BBS2: variants seen among roughly 807,000 people sequenced by gnomAD.
BBS2 encodes Bardet-Biedl syndrome 2, also known as BBSome complex member BBS2.
A neutral mutation model predicts 83.0 loss-of-function variants in BBS2; 62 were observed. That is an observed-to-expected ratio of 0.75 (90% CI 0.61 to 0.92). BBS2 has a LOEUF of 0.92. Ranked by LOEUF, BBS2 falls within the 40% of genes least tolerant of loss-of-function variation. The pLI is 0.00. For synonymous variants in BBS2, 303 were observed against 326.1 expected (o/e 0.93, Z 0.76); for missense variants, 784 against 901.0 (o/e 0.87, Z 1.66).
chr16:56,501,478 A>G lies in BBS2; in HGVS notation c.1100T>C (p.Leu367Pro), dbSNP rs1964272544. 6.2e-7 allele frequency: 1 copy of G among 1,614,072 alleles called. No individual in the cohort carries two copies. Among genetic ancestry groups the G allele is most frequent in the African/African-American group, 1.3e-5 (1 of 74,928 alleles). ...GCCCCGATGCCCATCAGCCTCGTTC[A>G]GTGGACTGGCCAATTCAGCCTGCAA... The part of the protein sequence containing the change: ...ENAKAELASP[L>P]NEADGHRGII... Residue 367 changes from leucine to proline, a missense_variant, in exon 10 of 17, where the codon CTG becomes CCG. Coordinates refer to ENST00000245157, the MANE Select transcript of BBS2 (RefSeq NM_031885.5).
rs1277638084 is a variant in BBS2 at position 56,519,786 on chromosome 16, C to T, written c.77G>A (p.Gly26Glu). 6.2e-7 allele frequency: 1 copy of T among 1,613,606 alleles called. No individual in the cohort carries two copies. Among genetic ancestry groups the T allele is most frequent in the African/African-American group, 1.3e-5 (1 of 74,906 alleles). ...GGCGGCCGCCAGGCACGGGTGAGTC[C>T]CGTCGTAGCGCCCTATGGCCACCAT... Reference protein sequence around the residue: ...PRMVAIGRYDGTHPCLAAATQ... With the variant: ...PRMVAIGRYDETHPCLAAATQ... The change falls in exon 1 of 17, where the codon GGG (glycine) becomes GAG (glutamate). Residue 26 changes from glycine (G) to glutamate (E), a missense_variant. Coordinates refer to ENST00000245157, the MANE Select transcript of BBS2 (RefSeq NM_031885.5).
intron 17 of BBS2, chr16:56,478,805 T>G (rs1313313714): frequency 6.6e-6 from 1 of 152,214 alleles, no homozygotes. Flanking sequence ...GACTCGGGTG[T>G]CTGAGGGGAG....
Position 56,513,603 on chromosome 16 carries a change from A to G in BBS2, c.345+850T>C, listed in dbSNP as rs544978016. Among the ~76,000 whole-genome samples, 14 of 152,366 alleles carry G rather than the reference A, an allele frequency of 9.2e-5. No homozygotes were observed. In the South Asian group the frequency reaches 2.7e-3, roughly 29 times the overall value. ...AGAAGGCAGTCACAAATGATTACAT[A>G]TTATATAATTCCATTGTTTATGAAA... On this transcript the variant is annotated intron_variant, in intron 2 of 16. Coordinates refer to ENST00000245157, the MANE Select transcript of BBS2 (RefSeq NM_031885.5).
In BBS2 at chr16:56,514,476, T is replaced by C; in HGVS notation, c.322A>G (p.Asn108Asp). The C allele has an allele frequency of 1.2e-6, 2 of 1,614,124 alleles. No homozygotes were observed. Among genetic ancestry groups the C allele is most frequent in the Non-Finnish European group, 1.7e-6 (2 of 1,179,982 alleles). ...TNLLAYDVYNNSDLFYREVAD... is the reference protein window; with the variant it reads ...TNLLAYDVYNDSDLFYREVAD... ...GCCTCTCTGTAGAACAAATCCGAATTATTGTAGACATCATAAGCCAAAAGA... is the reference window on the plus strand; with the variant it reads ...GCCTCTCTGTAGAACAAATCCGAATCATTGTAGACATCATAAGCCAAAAGA... The change falls in exon 2 of 17, where the codon AAT becomes GAT. Residue 108 changes from asparagine to aspartate, a missense_variant. Physicochemically the swap from Asn to Asp is conservative, Grantham distance 23. Coordinates refer to ENST00000245157, the MANE Select transcript of BBS2 (RefSeq NM_031885.5).
chr16:56,518,748 CCTT>C (rs1160373418), intron 1 of BBS2, among the ~76,000 whole-genome samples: 2 of 152,244 alleles, frequency 1.3e-5, no homozygotes, highest in South Asian at 2.1e-4. Flanking sequence ...CTCTGATTTG[CCTT>C]GTCTGTTAGC....
At chr16:56,509,172 A>T (rs987360181) in intron 5 of BBS2, among the ~76,000 whole-genome samples, 9 of 152,210 alleles carry the variant, frequency 5.9e-5, no homozygotes, top group African/African-American at 2.2e-4. Flanking sequence ...TCAAATGCTG[A>T]CCATGCCATT....
chr16:56,501,075 C>A (rs368194082), intron 10 of BBS2, 50 bp from the exon 11 acceptor site: 57 of 1,593,142 alleles, frequency 3.6e-5, no homozygotes, highest in Admixed American at 6.7e-5. Flanking sequence ...CTTTGGGAAG[C>A]TGAGGTGGGC....
At chr16:56,499,485 G>C in intron 12 of BBS2, 1 of 368,884 alleles carries the variant, frequency 2.7e-6, no homozygotes, top group Non-Finnish European at 5.2e-6. Flanking sequence ...GGTTCCTCTT[G>C]AAATACTACA....
At chr16:56,517,426 C>T (rs1964782385) in intron 1 of BBS2, among the ~76,000 whole-genome samples, 1 of 152,228 alleles carries the variant, frequency 6.6e-6, no homozygotes, top group Admixed American at 6.5e-5. Flanking sequence ...CTGCAGATCC[C>T]TCTGCCTGCA....
chr16:56,499,678 T>C, intron 12 of BBS2, 100 bp downstream of exon 12: 1 of 1,515,684 alleles, frequency 6.6e-7, no homozygotes. Flanking sequence ...TATTTACTGC[T>C]ACCAATATAA....
intron 5 of BBS2, chr16:56,509,724 A>C (rs1258343768): frequency 9.8e-6 from 5 of 510,594 alleles, no homozygotes; most frequent in African/African-American, 3.9e-5. Context: ...TTATGTATTC[A>C]ACTATATGCA....
rs199940492 is a variant in BBS2 at position 56,514,581 on chromosome 16, G to C, written c.217C>G (p.Gln73Glu). 157 of 1,613,978 alleles carry C rather than the reference G, an allele frequency of 9.7e-5. No homozygotes were observed. The highest frequency in any genetic ancestry group is 1.2e-5 in the Non-Finnish European group (14 of 1,179,974). The part of the protein sequence containing the change: ...ESDVSLLSIN[Q>E]AVSCLTAGVL... ...CCTGCAGTCAGACAGCTGACTGCCTGGTTAATGCTGAGAAGAGAAACATCA... is the reference window on the plus strand; with the variant it reads ...CCTGCAGTCAGACAGCTGACTGCCTCGTTAATGCTGAGAAGAGAAACATCA... The change falls in exon 2 of 17, where the codon CAG becomes GAG. Residue 73 changes from glutamine (Q) to glutamate (E), a missense_variant. Transcript: ENST00000245157.
At chr16:56,480,349 A>AC (rs1963630607), downstream of BBS2, among the ~76,000 whole-genome samples, 1 of 127,678 alleles carries the variant, frequency 7.8e-6, no homozygotes, top group Non-Finnish European at 1.6e-5. Context: ...ACACACACAC[A>AC]CACAAAAAAA....
chr16:56,480,227 A>G (rs957824299), downstream of BBS2, among the ~76,000 whole-genome samples: 2 of 151,936 alleles, frequency 1.3e-5, no homozygotes, highest in African/African-American at 2.4e-5. Flanking sequence ...GTGGAAAGTT[A>G]GGGTTCCAAA....
At position 56,502,356 on chromosome 16, in the gene BBS2, A is replaced by C; in HGVS notation, c.1041T>G (p.Asn347Lys). The part of the protein sequence containing the change: ...LIRELSQKKQ[N>K]LLLELRNYEE... Reference sequence around the variant, plus strand: ...CATAGTTACGGAGTTCCAGCAACAGATTCTGCTTCTTCTGACTCAGCTCTC... The same window carrying C: ...CATAGTTACGGAGTTCCAGCAACAGCTTCTGCTTCTTCTGACTCAGCTCTC... Residue 347 changes from asparagine (N) to lysine (K), a missense_variant, in exon 9 of 17, where the codon AAT (asparagine) becomes AAG (lysine). Transcript: ENST00000245157. 6.2e-7 allele frequency: 1 copy of C among 1,614,142 alleles called. No individual in the cohort carries two copies. Among genetic ancestry groups the C allele is most frequent in the Non-Finnish European group, 8.5e-7 (1 of 1,180,038 alleles).
In BBS2 at chr16:56,499,894, C is replaced by T. The variant is rs1480338297; in HGVS notation, c.1411G>A (p.Val471Ile). 2 of 1,614,104 alleles carry T rather than the reference C, an allele frequency of 1.2e-6. No individual in the cohort carries two copies. Among genetic ancestry groups the T allele is most frequent in the Non-Finnish European group, 1.7e-6 (2 of 1,179,986 alleles). ...GGGAGCTGTCTTGTCGATTCAAATA[C>T]ATGAAACTGGGTGCTATGGCCAATC... ...VGYRSSTQFH[V>I]FESTRQLPRF... The change falls in exon 12 of 17, where the codon GTA (valine) becomes ATA (isoleucine). Residue 471 changes from valine (V) to isoleucine (I), a missense_variant. Transcript: ENST00000245157.
At chr16:56,503,828 A>G (rs1023500739) in intron 7 of BBS2, among the ~76,000 whole-genome samples, 3 of 151,990 alleles carry the variant, frequency 2.0e-5, no homozygotes, top group African/African-American at 4.8e-5. Flanking sequence ...CTGAGGCAGG[A>G]GAATCGCTTG....
intron 3 of BBS2, 116 bp downstream of exon 3, chr16:56,511,042 TC>T: frequency 6.4e-7 from 1 of 1,566,784 alleles, no homozygotes; most frequent in Non-Finnish European, 8.8e-7. Flanking sequence ...ATTATTCATA[TC>T]CTTTTTTAAT....
chr16:56,492,578 T>G (rs560949586), intron 15 of BBS2, among the ~76,000 whole-genome samples: 2 of 152,216 alleles, frequency 1.3e-5, no homozygotes, highest in Admixed American at 1.3e-4. Context: ...TGTACAACAC[T>G]GCACCTATAG....
Sources: gnomAD v4.1 joint callset for allele counts (sites outside exome capture counted in the v4.1 genomes callset) on GRCh38, gnomAD v4.1.1 for gene constraint, MANE v1.5 for transcripts, NCBI Gene and HGNC (gene_info 2026-07-23, HGNC 2026-07-21) for gene names.